Variants in CDH4 observed in about 807,000 individuals in gnomAD.
CDH4 encodes cadherin 4.
A neutral mutation model predicts 86.0 loss-of-function variants in CDH4; 33 were observed. The observed-to-expected ratio is 0.38, with a 90% confidence interval of 0.29 to 0.51. The LOEUF is 0.51. CDH4 is among the 20% of genes least tolerant of loss of function. The probability of loss-of-function intolerance (pLI) is 0.86; values close to 1 mark genes in which losing one functional copy is unlikely to be tolerated. For missense variants in CDH4, 1,114 were observed against 1,307.4 expected (o/e 0.85, Z 2.28); for synonymous variants, 555 against 549.4 (o/e 1.01, Z -0.14).
chr20:61,889,306 ATGG>A, intron 7 of CDH4, among the ~76,000 whole-genome samples: 1 of 150,224 alleles, frequency 6.7e-6, no homozygotes, highest in Non-Finnish European at 1.5e-5. Flanking sequence ...GGATGGATGG[ATGG>A]ATGGATGGAT....
chr20:61,365,586 G>T (rs961564641), intron 2 of CDH4, among the ~76,000 whole-genome samples: 3 of 152,126 alleles, frequency 2.0e-5, no homozygotes, highest in Non-Finnish European at 4.4e-5. Flanking sequence ...CAGTGTGGGG[G>T]TCGAGAATGA....
chr20:61,560,532 C>G (rs2086208953), intron 2 of CDH4, among the ~76,000 whole-genome samples: 1 of 152,238 alleles, frequency 6.6e-6, no homozygotes, highest in African/African-American at 2.4e-5. Context: ...TCAGACGGCC[C>G]TGGGCCAAGT....
chr20:61,766,406 T>C (rs2088699118), intron 3 of CDH4, among the ~76,000 whole-genome samples: 1 of 151,672 alleles, frequency 6.6e-6, no homozygotes, highest in South Asian at 2.1e-4. Flanking sequence ...AGTCTTGCCC[T>C]CTCCTTCTCT....
At chr20:61,732,742 C>G (rs951981862) in intron 2 of CDH4, among the ~76,000 whole-genome samples, 7 of 152,236 alleles carry the variant, frequency 4.6e-5, no homozygotes, top group Non-Finnish European at 1.0e-4. Context: ...CACCGCTCGT[C>G]CCCCACGCCT....
chr20:61,334,965 G>C (rs4812310), intron 2 of CDH4, among the ~76,000 whole-genome samples: 91,076 of 152,128 alleles, frequency 0.6, 27,302 homozygotes, highest in Middle Eastern at 0.76. Context: ...GCTCCAGCCT[G>C]TCCTCCAAAG....
chr20:61,545,574 T>C (rs911518072), intron 2 of CDH4, among the ~76,000 whole-genome samples: 5 of 152,044 alleles, frequency 3.3e-5, no homozygotes, highest in Admixed American at 6.5e-5. Flanking sequence ...TGACGTGGAC[T>C]TTTTTTTCAT....
chr20:61,570,288 T>A (rs1414453311), intron 2 of CDH4: 1 of 217,956 alleles, frequency 4.6e-6, no homozygotes, highest in Non-Finnish European at 9.3e-6. Context: ...TACTTAAAAT[T>A]CAGAAAGAAA....
At chr20:61,917,245 C>G (rs2054912499) in intron 9 of CDH4, among the ~76,000 whole-genome samples, 1 of 152,216 alleles carries the variant, frequency 6.6e-6, no homozygotes, top group African/African-American at 2.4e-5. Flanking sequence ...CTTCTCCGCT[C>G]TCAGGTCCCC....
chr20:61,743,805 C>T lies in CDH4; in HGVS notation c.396+16C>T. 6.4e-7 allele frequency: 1 copy of T among 1,561,130 alleles called. No homozygotes were observed. The highest frequency in any genetic ancestry group is 8.7e-7 in the Non-Finnish European group (1 of 1,148,194). On this transcript the variant is annotated intron_variant, in intron 3 of 15. Coordinates refer to ENST00000614565, the MANE Select transcript of CDH4 (RefSeq NM_001794.5). ...TGGACACAAGGTAAGGTGTGACCGC[C>T]CGGGTCTGCGCTGGAGTTTAGATGA... is the stretch of plus-strand genomic sequence containing the variant.
At chr20:61,490,711 T>A (rs2085621410) in intron 2 of CDH4, among the ~76,000 whole-genome samples, 1 of 150,874 alleles carries the variant, frequency 6.6e-6, no homozygotes, top group Non-Finnish European at 1.5e-5. Context: ...AAAAAAAAAG[T>A]TACAGTGTTT....
At chr20:61,866,321 C>T (rs192732092) in intron 6 of CDH4, among the ~76,000 whole-genome samples, 13 of 152,250 alleles carry the variant, frequency 8.5e-5, no homozygotes, top group Middle Eastern at 3.4e-3. Context: ...TCCACACCTG[C>T]GATTTTTTCC....
chr20:61,288,541 A>G (rs939198811), intron 2 of CDH4, among the ~76,000 whole-genome samples: 1 of 152,234 alleles, frequency 6.6e-6, no homozygotes, highest in Admixed American at 6.5e-5. Context: ...GGCTCTGAGC[A>G]GTTCCTGATG....
intron 4 of CDH4, among the ~76,000 whole-genome samples, chr20:61,804,869 G>C (rs1164803884): frequency 6.6e-6 from 1 of 152,232 alleles, no homozygotes; most frequent in African/African-American, 2.4e-5. Context: ...AAAAGTGCAA[G>C]ATTTATGGGG....
Position 61,402,022 on chromosome 20 carries a change from G to A in CDH4, c.169+147085G>A, listed in dbSNP as rs60129622. Reference sequence around the variant, plus strand: ...CAGTGGTTGCTCAGATGTTGTTTGTGGAGGCTGGAAACATCCCTGGGTAAC... The same window carrying A: ...CAGTGGTTGCTCAGATGTTGTTTGTAGAGGCTGGAAACATCCCTGGGTAAC... On this transcript the variant is annotated intron_variant, in intron 2 of 15. Transcript: ENST00000614565. Among the ~76,000 whole-genome samples the A allele has an allele frequency of 1.6e-3, 248 of 152,306 alleles. 6 individuals carry two copies. In the East Asian group the frequency reaches 0.043, roughly 26 times the overall value.
chr20:61,253,720 C>G (rs2084079580), intron 1 of CDH4, among the ~76,000 whole-genome samples: 1 of 152,192 alleles, frequency 6.6e-6, no homozygotes, highest in Admixed American at 6.5e-5. Flanking sequence ...GCTCTCCTCC[C>G]TCGGTGCTGG....
At chr20:61,775,385 C>T (rs1316316582) in intron 4 of CDH4, among the ~76,000 whole-genome samples, 1 of 151,880 alleles carries the variant, frequency 6.6e-6, no homozygotes, top group Non-Finnish European at 1.5e-5. Context: ...TTCTGCCACC[C>T]CCACATTGCC....
chr20:61,813,994 T>A (rs1980578385), intron 4 of CDH4, among the ~76,000 whole-genome samples: 1 of 152,164 alleles, frequency 6.6e-6, no homozygotes, highest in Non-Finnish European at 1.5e-5. Context: ...CAGGGCTGGC[T>A]CCCAGGCCAT....
chr20:61,639,360 C>T (rs1172007326), intron 2 of CDH4, among the ~76,000 whole-genome samples: 1 of 152,204 alleles, frequency 6.6e-6, no homozygotes, highest in South Asian at 2.1e-4. Context: ...CACTGACTCC[C>T]TCTGCCAGCA....
intron 5 of CDH4, among the ~76,000 whole-genome samples, chr20:61,847,400 C>A (rs942758759): frequency 2.0e-5 from 3 of 152,192 alleles, no homozygotes; most frequent in Non-Finnish European, 4.4e-5. Flanking sequence ...CTGGGTCACC[C>A]ACCCCTCTAT....
Sources: gnomAD v4.1 joint callset for allele counts (sites outside exome capture counted in the v4.1 genomes callset) on GRCh38, gnomAD v4.1.1 for gene constraint, MANE v1.5 for transcripts, NCBI Gene and HGNC (gene_info 2026-07-23, HGNC 2026-07-21) for gene names.